Variants in PDE4D observed in about 807,000 individuals in gnomAD.
PDE4D encodes phosphodiesterase 4D.
In PDE4D, 24 loss-of-function variants were observed where a neutral mutation model predicts 87.4. The ratio of observed to expected loss-of-function variants is 0.27; its 90% CI spans 0.20 to 0.39. PDE4D has a LOEUF of 0.39. PDE4D is among the 10% of genes least tolerant of loss of function. The pLI, the probability that PDE4D is intolerant of heterozygous loss-of-function variation, is 1.00. For synonymous variants in PDE4D, 384 were observed against 383.2 expected (o/e 1.00, Z -0.02); for missense variants, 714 against 1,041.0 (o/e 0.69, Z 4.32).
intron 1 of PDE4D, among the ~76,000 whole-genome samples, chr5:59,394,879 G>A (rs1406967293): frequency 2.0e-4 from 31 of 152,190 alleles, no homozygotes; most frequent in South Asian, 1.4e-3. Context: ...TGCGCGCACC[G>A]TGCACAAGCC....
intron 1 of PDE4D, among the ~76,000 whole-genome samples, chr5:59,580,984 C>A (rs1056233881): frequency 6.6e-6 from 1 of 152,030 alleles, no homozygotes; most frequent in African/African-American, 2.4e-5. Flanking sequence ...ATAAATTTTA[C>A]ACAACATAAT....
chr5:58,988,241 C>T (rs1746955363), intron 11 of PDE4D, among the ~76,000 whole-genome samples: 1 of 152,018 alleles, frequency 6.6e-6, no homozygotes, highest in African/African-American at 2.4e-5. Context: ...TTTTTAATTA[C>T]CCTTGTCTAG....
chr5:59,306,519 T>C (rs191358171), intron 1 of PDE4D, among the ~76,000 whole-genome samples: 4 of 152,298 alleles, frequency 2.6e-5, no homozygotes, highest in Admixed American at 1.3e-4. Context: ...ATTTACGCTT[T>C]AAAGAGGTTC....
intron 1 of PDE4D, among the ~76,000 whole-genome samples, chr5:59,299,161 T>G (rs1250813324): frequency 6.6e-6 from 1 of 152,188 alleles, no homozygotes; most frequent in Non-Finnish European, 1.5e-5. Flanking sequence ...CCTGTGAGTC[T>G]TGGCAAGGGC....
At chr5:59,928,993 T>G (rs1755589687) in intron 3 of PDE4D, among the ~76,000 whole-genome samples, 1 of 151,948 alleles carries the variant, frequency 6.6e-6, no homozygotes, top group Non-Finnish European at 1.5e-5. Flanking sequence ...TTAACATTTT[T>G]TGCTGTAGTA....
At chr5:60,332,574 T>C (rs1324856656) in intron 1 of PDE4D, among the ~76,000 whole-genome samples, 1 of 152,122 alleles carries the variant, frequency 6.6e-6, no homozygotes, top group East Asian at 1.9e-4. Context: ...CACAGGGAAA[T>C]GGAAGTTATA....
intron 1 of PDE4D, among the ~76,000 whole-genome samples, chr5:60,341,673 G>A (rs1053848396): frequency 1.1e-4 from 16 of 152,242 alleles, no homozygotes; most frequent in Admixed American, 3.9e-4. Flanking sequence ...TACACAGAGC[G>A]TTTCCCAAGC....
intron 1 of PDE4D, among the ~76,000 whole-genome samples, chr5:59,616,918 C>CATATATATATATAAATATAT (rs1829744364): frequency 1.6e-5 from 1 of 62,890 alleles, no homozygotes; most frequent in Non-Finnish European, 3.2e-5. Context: ...CTAATAATTA[C>CATATATATATATAAATATAT]ATATATATAT....
intron 1 of PDE4D, among the ~76,000 whole-genome samples, chr5:60,425,096 C>T (rs1394174270): frequency 1.3e-5 from 2 of 152,030 alleles, no homozygotes; most frequent in Non-Finnish European, 2.9e-5. Flanking sequence ...ATTGTGAAAA[C>T]GGCCACACTG....
chr5:60,379,482 T>C (rs926852284), intron 1 of PDE4D, among the ~76,000 whole-genome samples: 4 of 152,172 alleles, frequency 2.6e-5, no homozygotes, highest in African/African-American at 9.7e-5. Context: ...GCAAAGCAGC[T>C]CTGAGGACCC....
chr5:59,476,212 T>TA (rs769655490), intron 1 of PDE4D, among the ~76,000 whole-genome samples: 54 of 151,544 alleles, frequency 3.6e-4, no homozygotes, highest in Non-Finnish European at 7.2e-4. Context: ...CACAAAATGG[T>TA]AAAAAAACAA....
chr5:59,777,094 G>A (rs1170130140), intron 1 of PDE4D, among the ~76,000 whole-genome samples: 1 of 152,182 alleles, frequency 6.6e-6, no homozygotes, highest in East Asian at 1.9e-4. Context: ...ATAGCTGATA[G>A]ATAATGCAAA....
At position 60,314,655 on chromosome 5, in the gene PDE4D, G is replaced by A. The variant is rs1203084667; in HGVS notation, c.-89-128968C>T. ...TCCCCCACACCCCCACCCCACAACA[G>A]GCCCCAGTGTGTGATGTTTCCCTTC... On this transcript the variant is annotated intron_variant, in intron 1 of 16. Transcript: ENST00000502484. 3.4e-5 allele frequency among the ~76,000 whole-genome samples: 5 copies of A among 146,826 alleles called. No homozygotes were observed. The East Asian group carries it at 1.0e-3, about 30-fold the overall frequency.
chr5:59,047,497 G>A (rs895512402), intron 5 of PDE4D, among the ~76,000 whole-genome samples: 1 of 152,158 alleles, frequency 6.6e-6, no homozygotes, highest in African/African-American at 2.4e-5. Context: ...AAGTCACATG[G>A]TCAGATTTGC....
intron 1 of PDE4D, among the ~76,000 whole-genome samples, chr5:60,463,661 C>T (rs995543690): frequency 2.0e-5 from 3 of 152,212 alleles, no homozygotes; most frequent in Admixed American, 2.0e-4. Flanking sequence ...TTCCATCTGA[C>T]CAGCATGCAG....
intron 3 of PDE4D, among the ~76,000 whole-genome samples, chr5:59,906,464 A>T (rs1752831745): frequency 6.6e-6 from 1 of 152,166 alleles, no homozygotes; most frequent in South Asian, 2.1e-4. Flanking sequence ...TCAGCTCGCT[A>T]TCTGTTTTTG....
chr5:60,120,045 C>G (rs553596898), intron 2 of PDE4D, among the ~76,000 whole-genome samples: 2 of 152,136 alleles, frequency 1.3e-5, no homozygotes, highest in Non-Finnish European at 2.9e-5. Context: ...GCATTCTTTA[C>G]AGGTCTAAAA....
At chr5:60,064,235 T>G (rs1172328481) in intron 2 of PDE4D, among the ~76,000 whole-genome samples, 6 of 152,156 alleles carry the variant, frequency 3.9e-5, no homozygotes, top group Admixed American at 2.6e-4. Context: ...TACCAAAGAA[T>G]GCTCGAAATA....
intron 1 of PDE4D, among the ~76,000 whole-genome samples, chr5:60,290,839 T>C (rs1208531605): frequency 1.3e-5 from 2 of 151,486 alleles, no homozygotes; most frequent in Admixed American, 1.3e-4. Flanking sequence ...AATAGGAGAG[T>C]ATACAGACAT....
Sources: gnomAD v4.1 joint callset for allele counts (sites outside exome capture counted in the v4.1 genomes callset) on GRCh38, gnomAD v4.1.1 for gene constraint, MANE v1.5 for transcripts, NCBI Gene and HGNC (gene_info 2026-07-23, HGNC 2026-07-21) for gene names.